The following PCDHGA11 variants were observed in gnomAD, a reference collection of about 807,000 sequenced individuals.
PCDHGA11 encodes the protein protocadherin gamma-A11.
In PCDHGA11, 39 loss-of-function variants were observed where a neutral mutation model predicts 60.4. The observed-to-expected ratio is 0.65, with a 90% CI of 0.50 to 0.84. The LOEUF (loss-of-function observed/expected upper bound fraction) is 0.84. PCDHGA11 is among the 40% of genes least tolerant of loss of function. The pLI, the probability that PCDHGA11 is intolerant of heterozygous loss-of-function variation, is 0.00. For missense variants in PCDHGA11, 1,165 were observed against 1,197.7 expected, an observed-to-expected ratio of 0.97 and a Z score of 0.40; for synonymous variants, 533 against 510.3, an observed-to-expected ratio of 1.04 and a Z score of -0.60.
chr5:141,504,161 T>C (rs931754061), intron 2 of PCDHGA11, among the ~76,000 whole-genome samples: 1 of 152,196 alleles, frequency 6.6e-6, no homozygotes, highest in Non-Finnish European at 1.5e-5. Context: ...AATAATTTCA[T>C]CCTTGGAAAT....
At chr5:141,509,015 C>G (rs1370464396) in intron 3 of PCDHGA11, among the ~76,000 whole-genome samples, 2 of 152,098 alleles carry the variant, frequency 1.3e-5, no homozygotes, top group African/African-American at 4.8e-5. Context: ...AAGTGGGCAG[C>G]TGCTCCCTCC....
chr5:141,477,438 C>A lies in PCDHGA11; in HGVS notation c.2434-17369C>A, dbSNP rs1386997844. The A allele has an allele frequency of 3.1e-6, 5 of 1,614,174 alleles. No individual in the cohort carries two copies. The Admixed American group carries it at 6.7e-5, about 22-fold the overall frequency. On this transcript the variant is annotated intron_variant, in intron 1 of 3. Coordinates refer to ENST00000398587, the MANE Select transcript of PCDHGA11 (RefSeq NM_018914.3). The surrounding 1 kb of genome is among the most constrained non-coding windows in gnomAD (Gnocchi z 4.9). ...GGAACCCCTTCCCTCTCAGCCCTTA[C>A]AATAGTGCGTGTTCAAGTGTCCGAC...
chr5:141,440,527 T>G (rs1282939317), intron 1 of PCDHGA11: 3 of 152,222 alleles, frequency 2.0e-5, no homozygotes, highest in African/African-American at 7.2e-5. Context: ...TGAAGAATCA[T>G]GCACCACGGT....
Position 141,477,864 on chromosome 5 carries a change from G to A in PCDHGA11, c.2434-16943G>A, listed in dbSNP as rs775055164. On this transcript the variant is annotated intron_variant, in intron 1 of 3. Transcript: ENST00000398587. The surrounding 1 kb of genome is among the most constrained non-coding windows in gnomAD (Gnocchi z 4.9). Reference sequence around the variant, plus strand: ...AGCTCGGTGGAGATGCTGCCTCGAGGTACCTCAGCTGGCCACCTAGTGTCA... The same window carrying A: ...AGCTCGGTGGAGATGCTGCCTCGAGATACCTCAGCTGGCCACCTAGTGTCA... 1.2e-6 allele frequency: 2 copies of A among 1,613,122 alleles called. No homozygotes were observed. The highest frequency in any genetic ancestry group is 4.5e-5 in the East Asian group (2 of 44,822).
chr5:141,511,077 T>C lies in PCDHGA11; in HGVS notation c.2712T>C (p.Asn904=), dbSNP rs1279500774. ...YRQNVYIPGS[N]ATLTNAAGKR... is the part of the protein sequence containing the mutation. ...AGAATGTCTACATCCCAGGCAGCAA[T>C]GCCACACTGACCAACGCAGCTGGCA... is the stretch of plus-strand genomic sequence containing the variant. Residue 904 remains asparagine, a synonymous_variant, in exon 4 of 4, where the codon AAT becomes AAC. Transcript: ENST00000398587. 5 of 1,614,062 alleles carry C rather than the reference T, an allele frequency of 3.1e-6. No individual in the cohort carries two copies. The African/African-American group carries it at 6.7e-5, about 22-fold the overall frequency.
At chr5:141,478,493 G>A in intron 1 of PCDHGA11, 1 of 1,613,176 alleles carries the variant, frequency 6.2e-7, no homozygotes, top group Non-Finnish European at 8.5e-7. Flanking sequence ...GCGGAGCTGT[G>A]ATCCGGTGTT....
chr5:141,487,824 C>A lies in PCDHGA11; in HGVS notation c.2434-6983C>A. The stretch of plus-strand genomic sequence containing the variant: ...TCACAGTTTAGCATTGGGGGCGGGT[C>A]ATGCCTATATCTGAGTAAGAAATGA... On this transcript the variant is annotated intron_variant, in intron 1 of 3. Coordinates refer to ENST00000398587, the MANE Select transcript of PCDHGA11 (RefSeq NM_018914.3). This position sits in a 1 kb window ranked among gnomAD's most constrained non-coding sequence, Gnocchi z 5.0. 2 of 1,247,252 alleles carry A rather than the reference C, an allele frequency of 1.6e-6. No individual in the cohort carries two copies. The highest frequency in any genetic ancestry group is 2.9e-5 in the South Asian group (2 of 68,154). The allele number at this position is 1,247,252 out of a possible 1,614,324, so 77.3% of individuals were successfully genotyped here. A position where few individuals can be genotyped will look rare whatever the true frequency, so the allele number is the denominator to read the frequency against.
chr5:141,441,631 C>A, intron 1 of PCDHGA11: 2 of 226,308 alleles, frequency 8.8e-6, no homozygotes, highest in Non-Finnish European at 1.8e-5. Context: ...GACCTGGAGC[C>A]ACAGGCGCTG....
In PCDHGA11 at chr5:141,510,950, C is replaced by T. The variant is rs770587030; in HGVS notation, c.2585C>T (p.Ala862Val). 1.2e-6 allele frequency: 2 copies of T among 1,614,126 alleles called. No homozygotes were observed. The highest frequency in any genetic ancestry group is 2.2e-5 in the South Asian group (2 of 91,078). ...QAMILASASE[A>V]ADGSSTLGGG... Reference sequence around the variant, plus strand: ...TGATCTTCCTCTGTCTCTGCAGAAGCTGCTGATGGGAGCTCCACCCTGGGA... The same window carrying T: ...TGATCTTCCTCTGTCTCTGCAGAAGTTGCTGATGGGAGCTCCACCCTGGGA... The change falls in exon 4 of 4, where the codon GCT (alanine) becomes GTT (valine). Residue 862 changes from alanine (A) to valine (V), a missense_variant. Physicochemically the swap from Ala to Val is moderately conservative, Grantham distance 64. Transcript: ENST00000398587.
chr5:141,423,923 G>A (rs2096790975), intron 1 of PCDHGA11: 2 of 1,254,626 alleles, frequency 1.6e-6, no homozygotes, highest in African/African-American at 1.6e-5. Flanking sequence ...CAACTATGCT[G>A]GTTTGGTTTG....
Position 141,421,165 on chromosome 5 carries a change from T to C in PCDHGA11, c.-63T>C. ...TGTAGTCGGCCTAGGACTTCATAGA[T>C]ACATAAGCCGATTCACAACCAACCA... is the stretch of plus-strand genomic sequence containing the variant. On this transcript the variant is annotated 5_prime_UTR_variant, in exon 1 of 4. Transcript: ENST00000398587. 1 of 1,297,018 alleles carries C rather than the reference T, an allele frequency of 7.7e-7. No homozygotes were observed. The highest frequency in any genetic ancestry group is 1.0e-6 in the Non-Finnish European group (1 of 959,976). The allele number at this position is 1,297,018 out of a possible 1,614,324, so 80.3% of individuals were successfully genotyped here.
Position 141,483,381 on chromosome 5 carries a change from G to T in PCDHGA11, c.2434-11426G>T, listed in dbSNP as rs147887550. ...AAGCTATTGCAATATTTGAAGAGAA[G>T]ATTGATAAATGCTTGAACCAGCACA... On this transcript the variant is annotated intron_variant, in intron 1 of 3. Transcript: ENST00000398587. 2.0e-3 allele frequency among the ~76,000 whole-genome samples: 305 copies of T among 152,292 alleles called. 2 individuals are homozygous for T. Among genetic ancestry groups the T allele is most frequent in the African/African-American group, 6.9e-3 (286 of 41,558 alleles).
intron 1 of PCDHGA11, among the ~76,000 whole-genome samples, chr5:141,483,644 G>GTGTT (rs919432945): frequency 6.8e-6 from 1 of 146,522 alleles, no homozygotes; most frequent in Non-Finnish European, 1.5e-5. Flanking sequence ...AGAGGGGTGT[G>GTGTT]TGTTTGTGTG....
rs140933475 is a variant in PCDHGA11 at position 141,477,405 on chromosome 5, G to A, written c.2434-17402G>A. The A allele has an allele frequency of 3.8e-4, 608 of 1,614,076 alleles. No individual in the cohort carries two copies. The highest frequency in any genetic ancestry group is 4.6e-4 in the Non-Finnish European group (540 of 1,180,022). On this transcript the variant is annotated intron_variant, in intron 1 of 3. Transcript: ENST00000398587. This position sits in a 1 kb window ranked among gnomAD's most constrained non-coding sequence, Gnocchi z 4.9. ...GAATACAACCTCAGCATCACCGCCC[G>A]AGACGCCGGAACCCCTTCCCTCTCA...
chr5:141,437,307 G>A (rs1172152732), intron 1 of PCDHGA11, among the ~76,000 whole-genome samples: 7 of 152,120 alleles, frequency 4.6e-5, no homozygotes, highest in South Asian at 2.1e-4. Context: ...AAGTTAAAGC[G>A]TTCAGCTATA....
At chr5:141,465,831 T>A (rs997004387) in intron 1 of PCDHGA11, among the ~76,000 whole-genome samples, 1 of 151,980 alleles carries the variant, frequency 6.6e-6, no homozygotes, top group African/African-American at 2.4e-5. Context: ...TTGTTTAAAA[T>A]TTCAACTGAG....
chr5:141,505,338 G>T, intron 2 of PCDHGA11, 55 bp from the exon 3 acceptor site: 1 of 1,612,254 alleles, frequency 6.2e-7, no homozygotes, highest in South Asian at 1.1e-5. Flanking sequence ...GGACAGGAGG[G>T]GCATGAGCTG....
intron 1 of PCDHGA11, among the ~76,000 whole-genome samples, chr5:141,492,084 G>C (rs979755390): frequency 2.0e-5 from 3 of 152,236 alleles, no homozygotes; most frequent in African/African-American, 7.2e-5. Flanking sequence ...GCTCCGGCAC[G>C]CTTCGCCGGT....
intron 1 of PCDHGA11, among the ~76,000 whole-genome samples, chr5:141,488,007 G>A (rs1269050547): frequency 6.6e-6 from 1 of 152,178 alleles, no homozygotes; most frequent in African/African-American, 2.4e-5. Flanking sequence ...ATCAGATTCT[G>A]AAGTACCTTA....
Sources: gnomAD v4.1 joint callset for allele counts (sites outside exome capture counted in the v4.1 genomes callset) on GRCh38, gnomAD v4.1.1 for gene constraint, Gnocchi (gnomAD v3.1) non-coding constraint, MANE v1.5 for transcripts, NCBI Gene and HGNC (gene_info 2026-07-23, HGNC 2026-07-21) for gene names.